The following SETD5 variants were observed in gnomAD, a reference collection of about 807,000 sequenced individuals.
SETD5 encodes histone-lysine N-methyltransferase SETD5.
SETD5 carries 44 observed loss-of-function variants against 153.3 expected under a neutral mutation model. The ratio of observed to expected loss-of-function variants is 0.29; its 90% CI spans 0.23 to 0.37. The LOEUF is 0.37. SETD5 is among the 10% of genes least tolerant of loss of function. SETD5 has a pLI of 1.00. For missense variants in SETD5, 1,544 were observed against 1,768.0 expected (o/e 0.87, Z 2.27); for synonymous variants, 716 against 645.2 (o/e 1.11, Z -1.66).
intron 1 of SETD5, among the ~76,000 whole-genome samples, chr3:9,401,119 C>CACAAATG (rs1279439379): frequency 6.6e-6 from 1 of 152,236 alleles, no homozygotes; most frequent in Admixed American, 6.5e-5. Context: ...TTTTGTCATT[C>CACAAATG]ACAAATGTGG....
rs147163116 is a variant in SETD5 at position 9,470,586 on chromosome 3, G to A, written c.2852G>A (p.Gly951Glu). The A allele has an allele frequency of 6.2e-7, 1 of 1,613,810 alleles. No homozygotes were observed. Among genetic ancestry groups the A allele is most frequent in the African/African-American group, 1.3e-5 (1 of 75,006 alleles). ...HSDLAPHPSL[G>E]PTSETGFPSR... Reference sequence around the variant, plus strand: ...GACCTGGCTCCTCATCCCTCCCTCGGACCCACTTCTGAGACTGGTTTCCCA... The same window carrying A: ...GACCTGGCTCCTCATCCCTCCCTCGAACCCACTTCTGAGACTGGTTTCCCA... The change falls in exon 19 of 23, where the codon GGA becomes GAA. Residue 951 changes from glycine to glutamate, a missense_variant. Gly to Glu is a moderately conservative substitution (Grantham distance 98). Around this residue, in one of 9 missense-constraint regions of SETD5, gnomAD observed 782 missense variants for 787.2 expected, o/e 0.99. Transcript: ENST00000402198.
In SETD5 at chr3:9,443,310, G is replaced by A. The variant is rs1246871540; in HGVS notation, c.1080G>A (p.Val360=). 1.4e-5 allele frequency: 22 copies of A among 1,550,706 alleles called. No homozygotes were observed. Among genetic ancestry groups the A allele is most frequent in the Non-Finnish European group, 1.5e-5 (17 of 1,147,572 alleles). ...CAACCAGAAGCCTTTTCACACAGGT[G>A]CGACACATGATTGCAGATGGGATGA... ...IRRSCTPNAE[V]RHMIADGMIH... The change falls in exon 11 of 23, where the codon GTG becomes GTA. Residue 360 remains valine, a splice_region_variant and synonymous_variant. Transcript: ENST00000402198.
chr3:9,402,276 C>T (rs911324612), intron 1 of SETD5, among the ~76,000 whole-genome samples: 1 of 152,074 alleles, frequency 6.6e-6, no homozygotes, highest in Non-Finnish European at 1.5e-5. Context: ...TGCATTCTGT[C>T]TTTAATACTT....
intron 11 of SETD5, among the ~76,000 whole-genome samples, chr3:9,444,505 C>G (rs576721229): frequency 6.6e-6 from 1 of 151,894 alleles, no homozygotes; most frequent in Admixed American, 6.6e-5. Context: ...AGCCAATAAA[C>G]CACTGGGGGG....
At chr3:9,454,047 C>T (rs1052538135) in intron 17 of SETD5, 179 bp downstream of exon 17, 3 of 607,576 alleles carry the variant, frequency 4.9e-6, no homozygotes, top group Non-Finnish European at 7.4e-6. Flanking sequence ...TTTCCCAGGA[C>T]GACAAAGAAG....
chr3:9,413,909 C>A (rs1433226762), intron 1 of SETD5, among the ~76,000 whole-genome samples: 1 of 152,034 alleles, frequency 6.6e-6, no homozygotes, highest in Non-Finnish European at 1.5e-5. Flanking sequence ...TCCCAAGTAG[C>A]TGGGACTGCA....
In SETD5 at chr3:9,400,066, G is replaced by A. The variant is rs2034510401; in HGVS notation, c.-177+2089G>A. 2.0e-5 allele frequency among the ~76,000 whole-genome samples: 3 copies of A among 152,198 alleles called. No homozygotes were observed. In the South Asian group the frequency reaches 6.2e-4, roughly 31 times the overall value. On this transcript the variant is annotated intron_variant, in intron 1 of 22. Transcript: ENST00000402198. Reference sequence around the variant, plus strand: ...CAGCACTTAGGCGATGGCTGCTTCAGGACTAAGAAGAAACCTTGCTTTTCT... The same window carrying A: ...CAGCACTTAGGCGATGGCTGCTTCAAGACTAAGAAGAAACCTTGCTTTTCT...
chr3:9,443,745 A>G (rs888108268), intron 11 of SETD5, among the ~76,000 whole-genome samples: 1 of 152,236 alleles, frequency 6.6e-6, no homozygotes, highest in Non-Finnish European at 1.5e-5. Context: ...TTATGCACAG[A>G]GTACTTATGT....
chr3:9,447,005 TC>T, intron 13 of SETD5, 44 bp from the exon 14 acceptor site: 1 of 1,461,098 alleles, frequency 6.8e-7, no homozygotes, highest in Non-Finnish European at 9.3e-7. Context: ...TATCCACTCG[TC>T]CTCATTTGAA....
chr3:9,455,431 G>A (rs2043127839), intron 17 of SETD5, among the ~76,000 whole-genome samples: 2 of 151,450 alleles, frequency 1.3e-5, no homozygotes, highest in Non-Finnish European at 2.9e-5. Flanking sequence ...TTAAATTATG[G>A]ATTTAGTTTA....
At chr3:9,419,385 T>C (rs952461634) in intron 1 of SETD5, among the ~76,000 whole-genome samples, 4 of 152,172 alleles carry the variant, frequency 2.6e-5, no homozygotes, top group African/African-American at 9.7e-5. Flanking sequence ...CCTAATTGTC[T>C]TACATAGCAC....
intron 1 of SETD5, among the ~76,000 whole-genome samples, chr3:9,415,526 A>G (rs1337121087): frequency 6.6e-6 from 1 of 152,094 alleles, no homozygotes; most frequent in Non-Finnish European, 1.5e-5. Context: ...CCTACTAGAC[A>G]TATATTAGTG....
At chr3:9,452,643 A>C (rs1413602342) in intron 16 of SETD5, among the ~76,000 whole-genome samples, 1 of 129,830 alleles carries the variant, frequency 7.7e-6, no homozygotes, top group Non-Finnish European at 1.6e-5. Flanking sequence ...CCACAATGAC[A>C]TTTGTATGAT....
At chr3:9,471,124 C>T (rs1229500384) in intron 19 of SETD5, among the ~76,000 whole-genome samples, 195 bp downstream of exon 19, 82 of 152,114 alleles carry the variant, frequency 5.4e-4, no homozygotes, top group Non-Finnish European at 7.3e-5. Flanking sequence ...AATGTAAATG[C>T]CTGTATGTGC....
intron 1 of SETD5, among the ~76,000 whole-genome samples, chr3:9,422,280 A>T (rs2038528108): frequency 6.6e-6 from 1 of 152,164 alleles, no homozygotes; most frequent in Non-Finnish European, 1.5e-5. Flanking sequence ...CATACCTTAT[A>T]TGTCAGCCTA....
chr3:9,460,517 A>G (rs1191930236), intron 17 of SETD5, among the ~76,000 whole-genome samples: 2 of 152,134 alleles, frequency 1.3e-5, no homozygotes, highest in Admixed American at 6.5e-5. Flanking sequence ...ATTTTGGAGA[A>G]CTAGAACAGA....
chr3:9,459,718 A>G (rs2043718134), intron 17 of SETD5, among the ~76,000 whole-genome samples: 1 of 150,354 alleles, frequency 6.7e-6, no homozygotes, highest in African/African-American at 2.4e-5. Context: ...CTCCATCAAA[A>G]AAAAAAAAAA....
intron 1 of SETD5, among the ~76,000 whole-genome samples, chr3:9,419,538 C>T (rs1352526672): frequency 6.6e-6 from 1 of 152,056 alleles, no homozygotes; most frequent in African/African-American, 2.4e-5. Context: ...AGCACTCCAA[C>T]CTGAGTGACA....
chr3:9,456,454 CGGAG>C (rs769732005), intron 17 of SETD5, among the ~76,000 whole-genome samples: 20 of 140,112 alleles, frequency 1.4e-4, no homozygotes, highest in Non-Finnish European at 2.7e-4. Flanking sequence ...GCCTGGGTGA[CGGAG>C]GGAGATTCTG....
Sources: allele counts gnomAD v4.1 joint callset (sites outside exome capture counted in the v4.1 genomes callset), GRCh38; gene constraint gnomAD v4.1.1; regional missense constraint gnomAD v4.1.1; transcripts MANE v1.5; gene names NCBI Gene and HGNC (gene_info 2026-07-23, HGNC 2026-07-21).